Variants in TPCN1 observed in about 807,000 individuals in gnomAD.
The protein encoded by TPCN1 is two pore channel protein 1.
A neutral mutation model predicts 108.8 loss-of-function variants in TPCN1; 52 were observed. That is an observed-to-expected ratio of 0.48 (90% CI 0.38 to 0.60). The LOEUF (loss-of-function observed/expected upper bound fraction) is 0.60, where lower values mean the gene tolerates loss of function less well. Among genes scored for constraint, TPCN1 ranks in the 20% least tolerant of loss-of-function variants. TPCN1 has a pLI of 0.00. For synonymous variants in TPCN1, 446 were observed against 433.7 expected (o/e 1.03, Z -0.35); for missense variants, 806 against 1,072.8 (o/e 0.75, Z 3.47).
chr12:113,285,149 C>T lies in TPCN1; in HGVS notation c.1453+378C>T, dbSNP rs149483910. On this transcript the variant is annotated intron_variant, in intron 17 of 27. Transcript: ENST00000335509. ...CTTCCTCTAACCTCTGCCTGACTTT[C>T]CTGCTCTTTCCATCAAGTCTGAGCA... 2.7e-3 allele frequency among the ~76,000 whole-genome samples: 413 copies of T among 152,366 alleles called. 1 individual carries two copies. Among genetic ancestry groups the T allele is most frequent in the Non-Finnish European group, 4.2e-3 (284 of 68,038 alleles).
intron 18 of TPCN1, 86 bp downstream of exon 18, chr12:113,286,047 A>G: frequency 1.6e-6 from 2 of 1,231,450 alleles, no homozygotes; most frequent in African/African-American, 3.0e-5. Flanking sequence ...ATCCCGGGCC[A>G]TTTCTGGAAT....
At chr12:113,270,813 T>A (rs890909428) in intron 7 of TPCN1, among the ~76,000 whole-genome samples, 6 of 152,116 alleles carry the variant, frequency 3.9e-5, no homozygotes, top group African/African-American at 7.2e-5. Flanking sequence ...CTAATCCCAT[T>A]CGGGAGGACG....
At chr12:113,241,634 G>A (rs1027517952) in intron 2 of TPCN1, among the ~76,000 whole-genome samples, 5 of 152,260 alleles carry the variant, frequency 3.3e-5, no homozygotes, top group South Asian at 2.1e-4. Flanking sequence ...GCTCTTCTCC[G>A]GCTCCCTTCC....
intron 3 of TPCN1, among the ~76,000 whole-genome samples, chr12:113,261,846 CCA>C (rs1180476013): frequency 6.6e-6 from 1 of 151,950 alleles, no homozygotes; most frequent in East Asian, 1.9e-4. Flanking sequence ...GTAGCACCCC[CCA>C]CCCCCTTACA....
chr12:113,222,203 G>A (rs1214349266), intron 1 of TPCN1, among the ~76,000 whole-genome samples: 1 of 152,192 alleles, frequency 6.6e-6, no homozygotes, highest in Non-Finnish European at 1.5e-5. Context: ...CTGGAAAAAT[G>A]ACGTGTTTGA....
At position 113,273,937 on chromosome 12, in the gene TPCN1, G is replaced by C. The variant is rs1023447213; in HGVS notation, c.942+269G>C. Among the ~76,000 whole-genome samples the C allele has an allele frequency of 6.6e-6, 1 of 152,132 alleles. No individual in the cohort carries two copies. Among genetic ancestry groups the C allele is most frequent in the African/African-American group, 2.4e-5 (1 of 41,424 alleles). On this transcript the variant is annotated intron_variant, in intron 10 of 27. Transcript: ENST00000335509. This position sits in a 1 kb window ranked among gnomAD's most constrained non-coding sequence, Gnocchi z 4.0. The stretch of plus-strand genomic sequence containing the variant: ...TGGATGTGAAACCCAGGCAACCCTG[G>C]GACCTTTTCATTCTTACATCAGAAA...
chr12:113,240,737 C>T (rs1374158047), intron 2 of TPCN1, among the ~76,000 whole-genome samples: 1 of 150,766 alleles, frequency 6.6e-6, no homozygotes, highest in African/African-American at 2.4e-5. Flanking sequence ...AGCTCCATCT[C>T]CTGCCCATTC....
chr12:113,272,562 T>C lies in TPCN1; in HGVS notation c.749-96T>C. ...GTCCCTGCTGCTCTTCCTGACCTGCTGCGTTCATTTGCATGTATTTGTCCA... is the reference window on the plus strand; with the variant it reads ...GTCCCTGCTGCTCTTCCTGACCTGCCGCGTTCATTTGCATGTATTTGTCCA... On this transcript the variant is annotated intron_variant, in intron 7 of 27. Coordinates refer to ENST00000335509, the MANE Select transcript of TPCN1 (RefSeq NM_017901.6). This position sits in a 1 kb window ranked among gnomAD's most constrained non-coding sequence, Gnocchi z 4.1. 1 of 1,121,634 alleles carries C rather than the reference T, an allele frequency of 8.9e-7. No individual in the cohort carries two copies. The highest frequency in any genetic ancestry group is 1.4e-6 in the Non-Finnish European group (1 of 731,290). 69.5% of individuals were successfully genotyped at this position (1,121,634 alleles called of 1,614,324 possible).
intron 15 of TPCN1, among the ~76,000 whole-genome samples, chr12:113,282,764 A>G (rs1164547828): frequency 6.6e-6 from 1 of 150,434 alleles, no homozygotes; most frequent in Non-Finnish European, 1.5e-5. Context: ...TATCTCAAGA[A>G]AAAAAAACCC....
chr12:113,250,133 G>A (rs1436418252), intron 2 of TPCN1: 1 of 152,230 alleles, frequency 6.6e-6, no homozygotes, highest in African/African-American at 2.4e-5. Flanking sequence ...TAATCGGGAG[G>A]TGGGAGAGGG....
intron 2 of TPCN1, among the ~76,000 whole-genome samples, chr12:113,246,243 G>C (rs557989479): frequency 1.3e-5 from 2 of 152,228 alleles, no homozygotes; most frequent in South Asian, 4.1e-4. Context: ...ATTCAGGGAG[G>C]GAGGTTAAGG....
At position 113,278,070 on chromosome 12, in the gene TPCN1, G is replaced by A; in HGVS notation, c.1185-119G>A. On this transcript the variant is annotated intron_variant, in intron 12 of 27. Coordinates refer to ENST00000335509, the MANE Select transcript of TPCN1 (RefSeq NM_017901.6). ...GCACTGCTGTGCTGGGACTCACATG[G>A]TGTCCCCTCTCTTCCTCCCTCACCC... is the stretch of plus-strand genomic sequence containing the variant. 1.2e-5 allele frequency: 9 copies of A among 772,288 alleles called. No homozygotes were observed. In the South Asian group the frequency reaches 1.2e-4, roughly 10 times the overall value. 47.8% of individuals were successfully genotyped at this position (772,288 alleles called of 1,614,324 possible). A position where few individuals can be genotyped will look rare whatever the true frequency, so the allele number is the denominator to read the frequency against.
chr12:113,281,684 G>A (rs1955889857), intron 15 of TPCN1, among the ~76,000 whole-genome samples: 1 of 152,126 alleles, frequency 6.6e-6, no homozygotes, highest in South Asian at 2.1e-4. Flanking sequence ...GACCACAGGT[G>A]CATGCCACCA....
chr12:113,285,633 C>T (rs1413889468), intron 17 of TPCN1, among the ~76,000 whole-genome samples: 3 of 152,244 alleles, frequency 2.0e-5, no homozygotes, highest in Non-Finnish European at 4.4e-5. Context: ...CTCTTGGCTT[C>T]CCAAAGTGCT....
Position 113,293,344 on chromosome 12 carries a change from A to G in TPCN1, c.2329A>G (p.Ile777Val). Residue 777 changes from isoleucine (I) to valine (V), a missense_variant, in exon 27 of 28, where the codon ATC (isoleucine) becomes GTC (valine). By Grantham distance (29) the Ile-to-Val change is conservative (BLOSUM62 3). Transcript: ENST00000335509. ...GAGCCTGAAGATGTACCAGGAGGAG[A>G]TCCAGGTAGGAGCCTGGCCGACCAC... ...DLSLKMYQEE[I>V]QEWYEEHARE... 6.2e-7 allele frequency: 1 copy of G among 1,613,852 alleles called. No homozygotes were observed. Among genetic ancestry groups the G allele is most frequent in the Non-Finnish European group, 8.5e-7 (1 of 1,179,944 alleles).
chr12:113,278,312 C>A, intron 13 of TPCN1, 75 bp downstream of exon 13: 1 of 1,334,226 alleles, frequency 7.5e-7, no homozygotes, highest in Non-Finnish European at 1.1e-6. Context: ...GCAGGGGCAC[C>A]CCGAGATCCA....
chr12:113,286,416 C>CG (rs2136728463), intron 18 of TPCN1, among the ~76,000 whole-genome samples: 1 of 128,638 alleles, frequency 7.8e-6, no homozygotes, highest in Non-Finnish European at 1.7e-5. Context: ...CTCATGAGGT[C>CG]TTGGGCCGCG....
intron 19 of TPCN1, chr12:113,287,418 G>A (rs1228715058): frequency 1.4e-5 from 4 of 291,880 alleles, no homozygotes; most frequent in Non-Finnish European, 2.5e-5. Flanking sequence ...ACAGGTCTGA[G>A]GGTTGGAAGG....
chr12:113,243,284 C>A (rs1176396953), intron 2 of TPCN1, among the ~76,000 whole-genome samples: 1 of 152,092 alleles, frequency 6.6e-6, no homozygotes, highest in African/African-American at 2.4e-5. Context: ...GCACAAGAAT[C>A]ACTTGAACCC....
Sources: allele counts gnomAD v4.1 joint callset (sites outside exome capture counted in the v4.1 genomes callset), GRCh38; gene constraint gnomAD v4.1.1; non-coding constraint Gnocchi (gnomAD v3.1); transcripts MANE v1.5; gene names NCBI Gene and HGNC (gene_info 2026-07-23, HGNC 2026-07-21).